The following MAOB variants were observed in gnomAD, a reference collection of about 807,000 sequenced individuals.
MAOB encodes the protein monoamine oxidase B.
A neutral mutation model predicts 41.9 loss-of-function variants in MAOB; 15 were observed. The observed-to-expected ratio is 0.36, with a 90% CI of 0.24 to 0.55. MAOB has a LOEUF of 0.55. Ranked by LOEUF, MAOB falls within the 20% of genes least tolerant of loss-of-function variation. The pLI, the probability that MAOB is intolerant of heterozygous loss-of-function variation, is 0.86. For missense variants in MAOB, 345 were observed against 398.7 expected, an observed-to-expected ratio of 0.87 and a Z score of 1.15; for synonymous variants, 167 against 144.2, an observed-to-expected ratio of 1.16 and a Z score of -1.13.
chrX:43,769,284 T>C (rs767451316), intron 13 of MAOB, 23 bp downstream of exon 13: 1 of 1,161,751 alleles, frequency 8.6e-7, no homozygotes, highest in Non-Finnish European at 1.1e-6. Flanking sequence ...TCCTTCCCCA[T>C]AATCTATGAC....
chrX:43,793,204 G>A (rs1041813206), intron 8 of MAOB, among the ~76,000 whole-genome samples: 4 of 111,725 alleles, frequency 3.6e-5, no homozygotes, highest in Non-Finnish European at 7.5e-5. Flanking sequence ...AGTACAGCAA[G>A]AGTTGAAAAC....
chrX:43,803,751 A>G (rs2034627746), intron 3 of MAOB, among the ~76,000 whole-genome samples: 1 of 112,003 alleles, frequency 8.9e-6, no homozygotes, highest in African/African-American at 3.2e-5. Context: ...TCTCAGAGTC[A>G]GGAGCCTCTG....
intron 3 of MAOB, among the ~76,000 whole-genome samples, chrX:43,832,739 G>A (rs1016286288): frequency 9.0e-6 from 1 of 111,685 alleles, no homozygotes; most frequent in African/African-American, 3.2e-5. Context: ...AAGAATTTCT[G>A]ACTGCACAGG....
intron 3 of MAOB, among the ~76,000 whole-genome samples, chrX:43,820,474 C>T (rs913643069): frequency 6.2e-5 from 7 of 112,102 alleles, no homozygotes; most frequent in African/African-American, 2.3e-4. Flanking sequence ...TTTCATTGTA[C>T]AGCAGCAAAG....
chrX:43,817,437 G>A (rs1250192775), intron 3 of MAOB, among the ~76,000 whole-genome samples: 3 of 110,940 alleles, frequency 2.7e-5, no homozygotes, highest in Non-Finnish European at 3.8e-5. Context: ...TTACCTCCCT[G>A]CTCCAAGCCA....
chrX:43,827,286 C>T (rs1170136480), intron 3 of MAOB, among the ~76,000 whole-genome samples: 1 of 112,075 alleles, frequency 8.9e-6, no homozygotes, highest in Non-Finnish European at 1.9e-5. Context: ...CAGTTTCTTG[C>T]TGGAGTTTAC....
intron 1 of MAOB, among the ~76,000 whole-genome samples, chrX:43,881,064 G>A (rs189805685): frequency 1.8e-3 from 200 of 113,398 alleles, no homozygotes; most frequent in African/African-American, 6.0e-3. Context: ...TGCAACACCA[G>A]GCACAGGGCC....
chrX:43,798,621 T>C (rs1051404565), intron 5 of MAOB, among the ~76,000 whole-genome samples: 1 of 111,938 alleles, frequency 8.9e-6, no homozygotes, highest in Non-Finnish European at 1.9e-5. Context: ...TAGCACAGCA[T>C]AAAATTCATC....
At chrX:43,776,350 A>G (rs2034255660) in intron 11 of MAOB, among the ~76,000 whole-genome samples, 1 of 112,742 alleles carries the variant, frequency 8.9e-6, no homozygotes, top group Admixed American at 9.4e-5. Context: ...CCTTCTTAGG[A>G]AAAGAGACTT....
intron 5 of MAOB, among the ~76,000 whole-genome samples, chrX:43,801,113 A>G (rs960773229): frequency 6.7e-5 from 7 of 103,944 alleles, no homozygotes; most frequent in African/African-American, 2.5e-4. Context: ...CTCTCCCTGT[A>G]TGCCTCTCTC....
chrX:43,853,592 TCTTTACAGAGGTAATCAAGTTAA>T (rs1414389222), intron 1 of MAOB, among the ~76,000 whole-genome samples: 1 of 112,004 alleles, frequency 8.9e-6, no homozygotes, highest in African/African-American at 3.3e-5. Flanking sequence ...ATGGAGATAG[TCTTTACAGAGGTAATCAAGTTAA>T]AATGAGGTCA....
intron 5 of MAOB, 44 bp from the exon 6 acceptor site, chrX:43,797,310 G>T: frequency 9.5e-7 from 1 of 1,049,072 alleles, no homozygotes; most frequent in South Asian, 3.0e-5. Context: ...ACGCAGGAGA[G>T]CAGCTTCTTA....
Position 43,838,850 on chromosome X carries a change from A to G in MAOB, c.279+18T>C. 8.6e-7 allele frequency: 1 copy of G among 1,169,388 alleles called. No individual in the cohort carries two copies. The highest frequency in any genetic ancestry group is 1.1e-6 in the Non-Finnish European group (1 of 875,417). ...ATAGAGAAGTTTTCAAATCCTTCAA[A>G]GTCTGGCCTGATCTTACCTTTACAT... On this transcript the variant is annotated intron_variant, in intron 3 of 14. Transcript: ENST00000378069.
chrX:43,768,827 A>C (rs2034143830), intron 13 of MAOB, 111 bp from the exon 14 acceptor site: 1 of 648,814 alleles, frequency 1.5e-6, no homozygotes, highest in African/African-American at 2.2e-5. Context: ...AAAAACACCA[A>C]GGTAAAGGCC....
At chrX:43,839,883 T>G (rs1340623712) in intron 2 of MAOB, among the ~76,000 whole-genome samples, 3 of 112,231 alleles carry the variant, frequency 2.7e-5, no homozygotes, top group Non-Finnish European at 5.6e-5. Flanking sequence ...TATGAAGATT[T>G]CAAGAACTGG....
At chrX:43,875,502 A>T (rs1027723063) in intron 1 of MAOB, among the ~76,000 whole-genome samples, 4 of 112,219 alleles carry the variant, frequency 3.6e-5, no homozygotes, top group Non-Finnish European at 7.5e-5. Context: ...AACAACTTTT[A>T]TGCAGACACA....
At chrX:43,832,338 A>G (rs2035027815) in intron 3 of MAOB, among the ~76,000 whole-genome samples, 3 of 112,370 alleles carry the variant, frequency 2.7e-5, no homozygotes, top group African/African-American at 9.7e-5. Context: ...GGTTGTTAGC[A>G]TTTACTTGTA....
chrX:43,874,306 G>A (rs1027543751), intron 1 of MAOB, among the ~76,000 whole-genome samples: 2 of 111,597 alleles, frequency 1.8e-5, no homozygotes, highest in Non-Finnish European at 1.9e-5. Flanking sequence ...AGTGAAGAAA[G>A]CCAAGTGCAA....
intron 1 of MAOB, among the ~76,000 whole-genome samples, chrX:43,861,442 A>G (rs1241150684): frequency 1.8e-5 from 2 of 112,656 alleles, no homozygotes; most frequent in African/African-American, 6.5e-5. Context: ...TTCTTTAACT[A>G]CAAATTTAAT....
Sources: gnomAD v4.1 joint callset for allele counts (sites outside exome capture counted in the v4.1 genomes callset) on GRCh38, gnomAD v4.1.1 for gene constraint, MANE v1.5 for transcripts, NCBI Gene and HGNC (gene_info 2026-07-23, HGNC 2026-07-21) for gene names.